GPR149: variants seen among roughly 807,000 people sequenced by gnomAD.
GPR149 encodes G protein-coupled receptor 149, also known as probable G protein-coupled receptor 149.
In GPR149, 50 loss-of-function variants were observed where a neutral mutation model predicts 50.2. That is an observed-to-expected ratio of 1.00 (90% confidence interval 0.79 to 1.26). GPR149 has a LOEUF of 1.26. GPR149 is among the 50% of genes most tolerant of loss of function. GPR149 has a pLI of 0.00. For missense variants in GPR149, 983 were observed against 895.4 expected (o/e 1.10, Z -1.25); for synonymous variants, 405 against 358.2 (o/e 1.13, Z -1.48).
intron 3 of GPR149, among the ~76,000 whole-genome samples, chr3:154,402,309 T>TA (rs140176015): frequency 2.6e-5 from 4 of 151,980 alleles, no homozygotes; most frequent in African/African-American, 7.2e-5. Context: ...TCTCAATACT[T>TA]ACGAGGCTAA....
chr3:154,413,479 A>C (rs755719579), intron 3 of GPR149, among the ~76,000 whole-genome samples: 1 of 151,998 alleles, frequency 6.6e-6, no homozygotes, highest in Non-Finnish European at 1.5e-5. Flanking sequence ...CAATCCTACC[A>C]AAAAGTGGGC....
At chr3:154,357,242 TAGGCAATACCATTC>T (rs1485938782) in intron 3 of GPR149, among the ~76,000 whole-genome samples, 2 of 152,006 alleles carry the variant, frequency 1.3e-5, no homozygotes, top group African/African-American at 4.8e-5. Flanking sequence ...GAAGAAAACC[TAGGCAATACCATTC>T]AGGACATAGG....
At chr3:154,352,500 G>A (rs948507480) in intron 3 of GPR149, 7 of 773,358 alleles carry the variant, frequency 9.1e-6, no homozygotes, top group Non-Finnish European at 1.7e-5. Context: ...AATCTGAGAC[G>A]CTGTATTACT....
At chr3:154,377,458 G>A (rs552917807) in intron 3 of GPR149, among the ~76,000 whole-genome samples, 1 of 151,188 alleles carries the variant, frequency 6.6e-6, no homozygotes, top group African/African-American at 2.4e-5. Context: ...CCTCCACCTC[G>A]TGGGTTCAAA....
At chr3:154,417,449 T>C (rs1163259270) in intron 3 of GPR149, among the ~76,000 whole-genome samples, 1 of 152,020 alleles carries the variant, frequency 6.6e-6, no homozygotes, top group East Asian at 1.9e-4. Context: ...CTGAAAATTG[T>C]TAACATAAAC....
intron 3 of GPR149, among the ~76,000 whole-genome samples, chr3:154,379,364 G>A (rs551948315): frequency 6.6e-6 from 1 of 151,508 alleles, no homozygotes; most frequent in Admixed American, 6.6e-5. Context: ...GGAGCACAAA[G>A]TTATTTGTTT....
chr3:154,409,404 T>C (rs1279372400), intron 3 of GPR149, among the ~76,000 whole-genome samples: 1 of 151,916 alleles, frequency 6.6e-6, no homozygotes, highest in African/African-American at 2.4e-5. Context: ...AGAAAAACAA[T>C]TGAGAAGGTC....
chr3:154,429,321 C>G lies in GPR149; in HGVS notation c.295G>C (p.Gly99Arg), dbSNP rs764527641. ...MFLQWPNEVP[G>R]YFQFLCTTSA... ...GTGGTGCACAGAAATTGGAAGTAAC[C>G]GGGGACCTCGTTTGGCCACTGCAAA... The change falls in exon 1 of 4, where the codon GGT (glycine) becomes CGT (arginine). Residue 99 changes from glycine (G) to arginine (R), a missense_variant. By Grantham distance (125) the Gly-to-Arg change is moderately radical. Transcript: ENST00000389740. 8.1e-6 allele frequency: 13 copies of G among 1,614,028 alleles called. No individual in the cohort carries two copies. In the South Asian group the frequency reaches 1.4e-4, roughly 18 times the overall value.
At chr3:154,415,827 A>T (rs1711969386) in intron 3 of GPR149, among the ~76,000 whole-genome samples, 1 of 152,002 alleles carries the variant, frequency 6.6e-6, no homozygotes, top group South Asian at 2.1e-4. Context: ...AAAACTAGGC[A>T]GTGTAGCAAA....
intron 3 of GPR149, among the ~76,000 whole-genome samples, chr3:154,406,989 C>G (rs1711713166): frequency 6.6e-6 from 1 of 152,186 alleles, no homozygotes; most frequent in African/African-American, 2.4e-5. Flanking sequence ...TCGTGGCAGG[C>G]AAGAGAGAAT....
intron 3 of GPR149, among the ~76,000 whole-genome samples, chr3:154,418,846 C>T (rs1712059526): frequency 6.6e-6 from 1 of 151,798 alleles, no homozygotes; most frequent in Admixed American, 6.6e-5. Flanking sequence ...CACTATTCAA[C>T]TTTGACTTTC....
In GPR149 at chr3:154,337,967, G is replaced by A. The variant is rs752409198; in HGVS notation, c.1928C>T (p.Ser643Phe). 2.5e-6 allele frequency: 4 copies of A among 1,613,908 alleles called. No homozygotes were observed. Among genetic ancestry groups the A allele is most frequent in the Non-Finnish European group, 3.4e-6 (4 of 1,179,968 alleles). The change falls in exon 4 of 4, where the codon TCC becomes TTC. Residue 643 changes from serine (S) to phenylalanine (F), a missense_variant. Physicochemically the swap from Ser to Phe is radical, Grantham distance 155. Transcript: ENST00000389740. ...GGATGGAGATCTGACTTGTGTGGAG[G>A]ACTGACTGATGTTACTAATGATTGA... ...TVSIISNISQSSTQVRSPSLR... is the reference protein window; with the variant it reads ...TVSIISNISQFSTQVRSPSLR...
intron 3 of GPR149, among the ~76,000 whole-genome samples, chr3:154,398,718 C>A (rs961476113): frequency 2.0e-5 from 3 of 152,084 alleles, no homozygotes; most frequent in African/African-American, 7.2e-5. Context: ...GCTCTTGGAT[C>A]TTAAATAATT....
chr3:154,378,089 T>C (rs200650461), intron 3 of GPR149, among the ~76,000 whole-genome samples: 672 of 12,274 alleles, frequency 0.055, 3 homozygotes, highest in East Asian at 0.33. Context: ...CCCCCCCCCC[T>C]TTTTTTTTTT....
chr3:154,417,971 A>G (rs1325647370), intron 3 of GPR149, among the ~76,000 whole-genome samples: 1 of 152,016 alleles, frequency 6.6e-6, no homozygotes, highest in Non-Finnish European at 1.5e-5. Context: ...TTTACAAGAA[A>G]AAAACAAACA....
intron 3 of GPR149, among the ~76,000 whole-genome samples, chr3:154,371,870 A>C (rs1322989241): frequency 2.0e-5 from 3 of 152,088 alleles, no homozygotes; most frequent in African/African-American, 7.2e-5. Context: ...TGGGCCTTGC[A>C]TTTTTAACCT....
chr3:154,411,784 G>A (rs747391483), intron 3 of GPR149, among the ~76,000 whole-genome samples: 1 of 152,072 alleles, frequency 6.6e-6, no homozygotes, highest in Non-Finnish European at 1.5e-5. Context: ...AGAAAAATTG[G>A]TACCAGTCCT....
intron 3 of GPR149, among the ~76,000 whole-genome samples, chr3:154,355,044 T>A (rs789297): frequency 0.45 from 68,912 of 151,974 alleles, 15,882 homozygotes; most frequent in Non-Finnish European, 0.49. Flanking sequence ...TTTATTTATT[T>A]AGAGTTGGAG....
chr3:154,354,065 T>C, intron 3 of GPR149: 1 of 455,830 alleles, frequency 2.2e-6, no homozygotes. Flanking sequence ...TTTCTTCCTA[T>C]GAGATTTAGA....
Sources: allele counts gnomAD v4.1 joint callset (sites outside exome capture counted in the v4.1 genomes callset), GRCh38; gene constraint gnomAD v4.1.1; transcripts MANE v1.5; gene names NCBI Gene and HGNC (gene_info 2026-07-23, HGNC 2026-07-21).